UGT2B28: variants seen among roughly 807,000 people sequenced by gnomAD.
UGT2B28 encodes UDP-glucuronosyltransferase 2B28.
Under a neutral mutation model 43.6 loss-of-function variants are expected in UGT2B28, and 45 were observed. That is an observed-to-expected ratio of 1.03 (90% confidence interval 0.81 to 1.32). The LOEUF (loss-of-function observed/expected upper bound fraction) is 1.32. Ranked by LOEUF, UGT2B28 falls within the 40% of genes most tolerant of loss-of-function variation. UGT2B28 has a pLI of 0.00. For missense variants in UGT2B28, 649 were observed against 625.5 expected, an observed-to-expected ratio of 1.04 and a Z score of -0.40; for synonymous variants, 204 against 208.1, an observed-to-expected ratio of 0.98 and a Z score of 0.17.
intron 3 of UGT2B28, among the ~76,000 whole-genome samples, chr4:69,289,104 C>T (rs1172224123): frequency 7.2e-6 from 1 of 138,448 alleles, no homozygotes; most frequent in East Asian, 2.1e-4. Context: ...GCTTATATAC[C>T]CAGTAATGGG....
chr4:69,286,062 A>G (rs1350050429), intron 2 of UGT2B28, among the ~76,000 whole-genome samples: 2 of 141,706 alleles, frequency 1.4e-5, no homozygotes, highest in South Asian at 2.4e-4. Context: ...ATGATAAATG[A>G]GACTCTCAAG....
chr4:69,294,433 T>C, intron 5 of UGT2B28, 97 bp from the exon 6 acceptor site: 1 of 1,195,194 alleles, frequency 8.4e-7, no homozygotes, highest in Non-Finnish European at 1.1e-6. Context: ...CAAATTTACT[T>C]TGAATTATTT....
At chr4:69,287,114 C>A (rs188668542) in intron 3 of UGT2B28, among the ~76,000 whole-genome samples, 1 of 138,926 alleles carries the variant, frequency 7.2e-6, no homozygotes, top group Admixed American at 7.2e-5. Flanking sequence ...GTTCCTATTA[C>A]TACCAGTGGG....
intron 2 of UGT2B28, among the ~76,000 whole-genome samples, chr4:69,286,223 C>T (rs1337940846): frequency 1.4e-5 from 2 of 141,402 alleles, no homozygotes; most frequent in African/African-American, 5.5e-5. Context: ...TGTAGAGGAA[C>T]ATAAATGTAG....
intron 2 of UGT2B28, among the ~76,000 whole-genome samples, chr4:69,286,537 A>G (rs1242382180): frequency 7.1e-6 from 1 of 140,326 alleles, no homozygotes; most frequent in East Asian, 2.0e-4. Context: ...ATACCTACAT[A>G]AACACACATA....
At position 69,280,687 on chromosome 4, in the gene UGT2B28, C is replaced by G. The variant is rs781611032; in HGVS notation, c.187C>G (p.Leu63Val). 6.4e-6 allele frequency: 10 copies of G among 1,560,722 alleles called. 1 individual carries two copies. The highest frequency in any genetic ancestry group is 5.3e-5 in the Admixed American group (3 of 56,526). Reference protein sequence around the residue: ...VTVLASSASILFDPNDAFTLK... With the variant: ...VTVLASSASIVFDPNDAFTLK... ...TGTACTGGCATCTTCAGCTTCCATTCTTTTTGATCCCAATGACGCATTCAC... is the reference window on the plus strand; with the variant it reads ...TGTACTGGCATCTTCAGCTTCCATTGTTTTTGATCCCAATGACGCATTCAC... The change falls in exon 1 of 6, where the codon CTT (leucine) becomes GTT (valine). Residue 63 changes from leucine (L) to valine (V), a missense_variant. Coordinates refer to ENST00000335568, the MANE Select transcript of UGT2B28 (RefSeq NM_053039.2).
At chr4:69,290,555 C>T in intron 4 of UGT2B28, 37 bp from the exon 5 acceptor site, 1 of 1,535,004 alleles carries the variant, frequency 6.5e-7, no homozygotes, top group Non-Finnish European at 8.8e-7. Context: ...GCATTTTATT[C>T]CTATGAATAA....
chr4:69,294,228 C>A (rs1724037484), intron 5 of UGT2B28, among the ~76,000 whole-genome samples: 1 of 138,076 alleles, frequency 7.2e-6, no homozygotes, highest in East Asian at 2.1e-4. Context: ...TAATATGGAC[C>A]CACAAAAACT....
In UGT2B28 at chr4:69,294,671, C is replaced by T. The variant is rs772663860; in HGVS notation, c.1452C>T (p.Thr484=). The T allele has an allele frequency of 1.3e-6, 2 of 1,560,288 alleles. No individual in the cohort carries two copies. The highest frequency in any genetic ancestry group is 1.7e-6 in the Non-Finnish European group (2 of 1,155,504). The change falls in exon 6 of 6, where the codon ACC becomes ACT. Residue 484 remains threonine, a synonymous_variant. Transcript: ENST00000335568. The stretch of plus-strand genomic sequence containing the variant: ...TTCGAGTTGCAGCCCGTGACCTCAC[C>T]TGGTTCCAGTACCACTCTTTGGATG... ...KHLRVAARDL[T]WFQYHSLDVI...
chr4:69,287,028 C>A, intron 3 of UGT2B28, 145 bp downstream of exon 3: 1 of 1,373,538 alleles, frequency 7.3e-7, no homozygotes. Flanking sequence ...TCCACCGACA[C>A]AAGTCATAGT....
chr4:69,287,232 T>C lies in UGT2B28; in HGVS notation c.1002+349T>C, dbSNP rs1417984955. On this transcript the variant is annotated intron_variant, in intron 3 of 5. Transcript: ENST00000335568. Reference sequence around the variant, plus strand: ...ATGGCTGAAATTAACTCAATATATTTCAGGTAAGTGAAAATGGTGCCTAAT... The same window carrying C: ...ATGGCTGAAATTAACTCAATATATTCCAGGTAAGTGAAAATGGTGCCTAAT... 1.4e-5 allele frequency among the ~76,000 whole-genome samples: 2 copies of C among 141,040 alleles called. 1 individual carries two copies. Among genetic ancestry groups the C allele is most frequent in the East Asian group, 4.1e-4 (2 of 4,914 alleles). The allele number at this position is 141,040 out of a possible 152,430, so 92.5% of individuals were successfully genotyped here. A position where few individuals can be genotyped will look rare whatever the true frequency, so the allele number is the denominator to read the frequency against.
intron 5 of UGT2B28, among the ~76,000 whole-genome samples, chr4:69,291,244 C>T (rs1179350992): frequency 1.4e-5 from 2 of 139,400 alleles, no homozygotes; most frequent in Non-Finnish European, 3.1e-5. Context: ...GATTTAATTT[C>T]GATAGCTTAA....
chr4:69,294,585 C>A lies in UGT2B28; in HGVS notation c.1366C>A (p.Pro456Thr). 3.2e-6 allele frequency: 5 copies of A among 1,556,224 alleles called. 1 individual carries two copies. The South Asian group carries it at 4.8e-5, about 15-fold the overall frequency. The change falls in exon 6 of 6, where the codon CCC (proline) becomes ACC (threonine). Residue 456 changes from proline to threonine, a missense_variant. Physicochemically the swap from Pro to Thr is conservative, Grantham distance 38. Coordinates refer to ENST00000335568, the MANE Select transcript of UGT2B28 (RefSeq NM_053039.2). ...AATTCAACATGATCAACCAGTAAAG[C>A]CCCTGCATCGAGCAGTCTTCTGGAT... ...SIIQHDQPVKPLHRAVFWIEF... is the reference protein window; with the variant it reads ...SIIQHDQPVKTLHRAVFWIEF...
In UGT2B28 at chr4:69,289,613, T is replaced by C; in HGVS notation, c.1003-52T>C. ...TACCCTTTTTACAGTTCTAACATTC[T>C]ATAATTTTTGAGTTCCACTCATGGA... On this transcript the variant is annotated intron_variant, in intron 3 of 5. Coordinates refer to ENST00000335568, the MANE Select transcript of UGT2B28 (RefSeq NM_053039.2). 6.2e-6 allele frequency: 9 copies of C among 1,447,486 alleles called. 3 individuals carry two copies. In the South Asian group the frequency reaches 9.2e-5, roughly 15 times the overall value. 89.7% of individuals were successfully genotyped at this position (1,447,486 alleles called of 1,614,324 possible). A position where few individuals can be genotyped will look rare whatever the true frequency, so the allele number is the denominator to read the frequency against.
intron 3 of UGT2B28, 77 bp downstream of exon 3, chr4:69,286,960 A>G (rs1723796624): frequency 1.3e-6 from 2 of 1,522,178 alleles, no homozygotes; most frequent in Middle Eastern, 3.9e-4. Flanking sequence ...CAGAAAGAAT[A>G]TTAAGGCTAG....
rs1488000397 is a variant in UGT2B28, at chr4:69,294,475, C to A, written c.1311-55C>A. ...TTAAAAGCCTTTCATAGACTTGATACATACAGGCCAGTTAACTTACTTTCA... is the reference window on the plus strand; with the variant it reads ...TTAAAAGCCTTTCATAGACTTGATAAATACAGGCCAGTTAACTTACTTTCA... On this transcript the variant is annotated intron_variant, in intron 5 of 5. Transcript: ENST00000335568. The A allele has an allele frequency of 2.8e-6, 4 of 1,411,116 alleles. 1 individual carries two copies. Among genetic ancestry groups the A allele is most frequent in the Non-Finnish European group, 3.7e-6 (4 of 1,074,122 alleles). The allele number at this position is 1,411,116 out of a possible 1,614,324, so 87.4% of individuals were successfully genotyped here.
chr4:69,282,262 C>A (rs1384938828), intron 1 of UGT2B28, among the ~76,000 whole-genome samples: 1 of 139,840 alleles, frequency 7.2e-6, no homozygotes, highest in Non-Finnish European at 1.5e-5. Flanking sequence ...ATTGTGAGTA[C>A]ACTGACTTGA....
intron 5 of UGT2B28, among the ~76,000 whole-genome samples, chr4:69,293,638 G>C (rs1313231966): frequency 2.1e-5 from 3 of 139,554 alleles, no homozygotes; most frequent in South Asian, 2.4e-4. Flanking sequence ...AAGAGCAGGA[G>C]AGAAGGAACA....
rs888501445 is a variant in UGT2B28 at position 69,289,455 on chromosome 4, C to A, written c.1003-210C>A. ...TTTCATTGATAATCTTATTTTTCTA[C>A]GGTACTATTTTGGAAAATAATGGTT... On this transcript the variant is annotated intron_variant, in intron 3 of 5. Transcript: ENST00000335568. Among the ~76,000 whole-genome samples the A allele has an allele frequency of 3.6e-5, 5 of 139,780 alleles. 1 individual carries two copies. The highest frequency in any genetic ancestry group is 5.6e-5 in the African/African-American group (2 of 35,858). 91.7% of individuals were successfully genotyped at this position (139,780 alleles called of 152,430 possible). A position where few individuals can be genotyped will look rare whatever the true frequency, so the allele number is the denominator to read the frequency against.
Sources: allele counts gnomAD v4.1 joint callset (sites outside exome capture counted in the v4.1 genomes callset), GRCh38; gene constraint gnomAD v4.1.1; transcripts MANE v1.5; gene names NCBI Gene and HGNC (gene_info 2026-07-23, HGNC 2026-07-21).